KSR1: variants seen among roughly 807,000 people sequenced by gnomAD.
KSR1 encodes the protein kinase suppressor of ras.
KSR1 carries 35 observed loss-of-function variants against 92.9 expected under a neutral mutation model. That is an observed-to-expected ratio of 0.38 (90% CI 0.29 to 0.50). The LOEUF is 0.50. Among genes scored for constraint, KSR1 ranks in the 20% least tolerant of loss-of-function variants. The pLI, the probability that KSR1 is intolerant of heterozygous loss-of-function variation, is 0.94. For synonymous variants in KSR1, 467 were observed against 472.6 expected, an observed-to-expected ratio of 0.99 and a Z score of 0.15; for missense variants, 972 against 1,158.5, an observed-to-expected ratio of 0.84 and a Z score of 2.34.
At chr17:27,543,728 C>T (rs1466634866) in intron 1 of KSR1, among the ~76,000 whole-genome samples, 1 of 152,122 alleles carries the variant, frequency 6.6e-6, no homozygotes, top group Non-Finnish European at 1.5e-5. Context: ...CAAGTGGAGC[C>T]GATGTCATTT....
chr17:27,621,909 T>G (rs769932654), intron 20 of KSR1: 1 of 1,613,562 alleles, frequency 6.2e-7, no homozygotes, highest in South Asian at 1.1e-5. Context: ...TTCTTTGCTT[T>G]CTTCTCTTTC....
chr17:27,620,165 G>A (rs1044204032), intron 19 of KSR1, among the ~76,000 whole-genome samples: 13 of 152,224 alleles, frequency 8.5e-5, no homozygotes, highest in African/African-American at 3.1e-4. Flanking sequence ...TGGGGTTAGG[G>A]AATACCATGT....
intron 1 of KSR1, among the ~76,000 whole-genome samples, chr17:27,515,616 T>G (rs1245837980): frequency 6.6e-6 from 1 of 151,252 alleles, no homozygotes; most frequent in South Asian, 2.1e-4. Context: ...TCGTAGTTTT[T>G]TTTTTTTTTT....
intron 1 of KSR1, among the ~76,000 whole-genome samples, chr17:27,549,943 G>A (rs1032855934): frequency 3.3e-5 from 5 of 152,184 alleles, no homozygotes; most frequent in Admixed American, 6.5e-5. Context: ...TGGATTCTTC[G>A]CTGGAAGCAT....
intron 1 of KSR1, among the ~76,000 whole-genome samples, chr17:27,507,089 A>G (rs2069414010): frequency 6.6e-6 from 1 of 152,212 alleles, no homozygotes; most frequent in African/African-American, 2.4e-5. Context: ...CGGGGTGTGC[A>G]GTGTAAAAAT....
At chr17:27,540,718 C>T (rs951848112) in intron 1 of KSR1, among the ~76,000 whole-genome samples, 1 of 152,224 alleles carries the variant, frequency 6.6e-6, no homozygotes, top group Non-Finnish European at 1.5e-5. Context: ...AATGTCAGCC[C>T]CCGTGGGCGC....
rs372275446 is a variant in KSR1, at chr17:27,588,516, G to A, written c.1027G>A (p.Gly343Arg). 4.0e-5 allele frequency: 64 copies of A among 1,592,562 alleles called. No homozygotes were observed. The highest frequency in any genetic ancestry group is 1.2e-4 in the African/African-American group (9 of 74,668). Residue 343 changes from glycine (G) to arginine (R), a missense_variant, in exon 6 of 21, where the codon GGG becomes AGG. Transcript: ENST00000644974. The stretch of plus-strand genomic sequence containing the variant: ...CCCACAGATGGTACGGAGGGATATC[G>A]GGCTGTCGGTGACGCACAGGTAGGC... ...GSPQMVRRDI[G>R]LSVTHRFSTK...
At chr17:27,620,992 C>T in intron 19 of KSR1, 1 of 388,400 alleles carries the variant, frequency 2.6e-6, no homozygotes, top group Non-Finnish European at 4.5e-6. Flanking sequence ...ACGCTTGCCC[C>T]CTAATTCTCA....
At chr17:27,501,273 T>C (rs1240386597) in intron 1 of KSR1, among the ~76,000 whole-genome samples, 1 of 149,798 alleles carries the variant, frequency 6.7e-6, no homozygotes, top group Non-Finnish European at 1.5e-5. Context: ...TCTTTTTTTT[T>C]TTTTTAATTT....
intron 4 of KSR1, 35 bp downstream of exon 4, chr17:27,583,140 C>G: frequency 7.2e-7 from 1 of 1,394,866 alleles, no homozygotes. Flanking sequence ...CCAAAAGTGC[C>G]CTCTGTGGTT....
chr17:27,564,862 A>C (rs1321744494), intron 2 of KSR1, among the ~76,000 whole-genome samples: 2 of 151,146 alleles, frequency 1.3e-5, no homozygotes, highest in African/African-American at 4.9e-5. Flanking sequence ...GATTTGTCAG[A>C]GGCTTTGCAG....
At chr17:27,588,604 C>G (rs1388058472) in intron 6 of KSR1, 69 bp downstream of exon 6, 9 of 1,382,784 alleles carry the variant, frequency 6.5e-6, no homozygotes, top group African/African-American at 1.4e-5. Flanking sequence ...GCCAGGAGTT[C>G]TGGTCACTGT....
At chr17:27,623,266 G>A (rs1423723540) in intron 20 of KSR1, 48 bp from the exon 21 acceptor site, 4 of 744,146 alleles carry the variant, frequency 5.4e-6, no homozygotes, top group Non-Finnish European at 9.8e-6. Flanking sequence ...CCCTAATTCT[G>A]ATGAAGATCA....
At chr17:27,495,194 G>T (rs900710908) in intron 1 of KSR1, among the ~76,000 whole-genome samples, 1 of 152,184 alleles carries the variant, frequency 6.6e-6, no homozygotes, top group Admixed American at 6.5e-5. Flanking sequence ...AAGAATGCAC[G>T]CCTCAGTGGT....
intron 6 of KSR1, 102 bp from the exon 7 acceptor site, chr17:27,590,709 G>C: frequency 9.2e-7 from 1 of 1,092,100 alleles, no homozygotes; most frequent in Non-Finnish European, 1.4e-6. Context: ...CTGGGATGGA[G>C]CCAAGACTCC....
intron 2 of KSR1, among the ~76,000 whole-genome samples, chr17:27,560,688 G>A (rs993199775): frequency 6.6e-6 from 1 of 152,222 alleles, no homozygotes; most frequent in Non-Finnish European, 1.5e-5. Flanking sequence ...AACCAGGAAA[G>A]CGAACCCGCA....
rs575628596 is a variant in KSR1, at chr17:27,492,067, C to T, written c.231+35193C>T. 5.9e-5 allele frequency among the ~76,000 whole-genome samples: 9 copies of T among 152,264 alleles called. No individual in the cohort carries two copies. The South Asian group carries it at 6.2e-4, about 11-fold the overall frequency. ...TACAGGGGTCAGTCACCTGATGGGACGCCTTTGCTGGAGACAGACGGTACT... is the reference window on the plus strand; with the variant it reads ...TACAGGGGTCAGTCACCTGATGGGATGCCTTTGCTGGAGACAGACGGTACT... On this transcript the variant is annotated intron_variant, in intron 1 of 20. Transcript: ENST00000644974.
At chr17:27,586,819 A>G (rs761169400) in intron 5 of KSR1, among the ~76,000 whole-genome samples, 2 of 152,200 alleles carry the variant, frequency 1.3e-5, no homozygotes, top group Non-Finnish European at 2.9e-5. Flanking sequence ...TGAAGTTCCA[A>G]CATAGTCTGT....
At chr17:27,602,004 C>T (rs1041701420) in intron 11 of KSR1, 5 of 1,371,900 alleles carry the variant, frequency 3.6e-6, no homozygotes, top group Non-Finnish European at 5.1e-6. Context: ...GTTTTCTACA[C>T]TTACTATGTA....
Sources: allele counts gnomAD v4.1 joint callset (sites outside exome capture counted in the v4.1 genomes callset), GRCh38; gene constraint gnomAD v4.1.1; transcripts MANE v1.5; gene names NCBI Gene and HGNC (gene_info 2026-07-23, HGNC 2026-07-21).